SIK3: variants seen among roughly 807,000 people sequenced by gnomAD.
SIK3 encodes the protein SIK family kinase 3.
Under a neutral mutation model 144.2 loss-of-function variants are expected in SIK3, and 28 were observed. That is an observed-to-expected ratio of 0.19 (90% confidence interval 0.14 to 0.27). The LOEUF (loss-of-function observed/expected upper bound fraction) is 0.27. Ranked by LOEUF, SIK3 falls within the 10% of genes least tolerant of loss-of-function variation. The probability of loss-of-function intolerance (pLI) is 1.00; values close to 1 mark genes in which losing one functional copy is unlikely to be tolerated. For missense variants in SIK3, 1,319 were observed against 1,776.0 expected, an observed-to-expected ratio of 0.74 and a Z score of 4.62; for synonymous variants, 686 against 676.3, an observed-to-expected ratio of 1.01 and a Z score of -0.22.
intron 1 of SIK3, among the ~76,000 whole-genome samples, chr11:117,044,099 A>G (rs1376067347): frequency 1.3e-5 from 2 of 152,354 alleles, no homozygotes; most frequent in Admixed American, 1.3e-4. Flanking sequence ...TTTTAAAACT[A>G]TTCTATTTCT....
At chr11:116,848,969 G>C (rs1456494061) in intron 22 of SIK3, 151 bp downstream of exon 22, 8 of 917,832 alleles carry the variant, frequency 8.7e-6, no homozygotes, top group Non-Finnish European at 1.5e-6. Context: ...TCTCAAAAAA[G>C]AAAAAAAAAG....
chr11:116,853,019 A>G (rs563757219), intron 21 of SIK3, among the ~76,000 whole-genome samples: 2 of 152,240 alleles, frequency 1.3e-5, no homozygotes, highest in East Asian at 3.9e-4. Context: ...AAAATACATG[A>G]CCAGGGGATC....
In SIK3 at chr11:116,867,795, T is replaced by C; in HGVS notation, c.1952+151A>G. 1.3e-6 allele frequency: 1 copy of C among 751,822 alleles called. No homozygotes were observed. The highest frequency in any genetic ancestry group is 2.0e-6 in the Non-Finnish European group (1 of 491,864). The allele number at this position is 751,822 out of a possible 1,614,324, so 46.6% of individuals were successfully genotyped here. On this transcript the variant is annotated intron_variant, in intron 15 of 24. Transcript: ENST00000445177. This position sits in a 1 kb window ranked among gnomAD's most constrained non-coding sequence, Gnocchi z 4.1. ...AAAAAACCTTTGCCCTGTGCATTGC[T>C]TACTGCAAGGAGCTGAGAAGATGTG...
rs375290190 is a variant in SIK3, at chr11:116,857,799, G to A, written c.3655+11C>T. On this transcript the variant is annotated intron_variant, in intron 21 of 24. Transcript: ENST00000445177. ...ACTGGCCCAGGACTTCCACTGTGAG[G>A]AGACACTTACCTCTGCTGGGCACCT... 1.9e-5 allele frequency: 31 copies of A among 1,613,490 alleles called. No homozygotes were observed. Among genetic ancestry groups the A allele is most frequent in the Non-Finnish European group, 2.3e-5 (27 of 1,179,680 alleles).
chr11:116,845,335 A>C lies in SIK3; in HGVS notation c.*308T>G, dbSNP rs913322934. 1.3e-5 allele frequency: 2 copies of C among 152,242 alleles called. No homozygotes were observed. Among genetic ancestry groups the C allele is most frequent in the Non-Finnish European group, 2.9e-5 (2 of 68,034 alleles). The allele number at this position is 152,242 out of a possible 1,614,324, so 9.4% of individuals were successfully genotyped here. On this transcript the variant is annotated 3_prime_UTR_variant, in exon 25 of 25. Coordinates refer to ENST00000445177, the MANE Select transcript of SIK3 (RefSeq NM_001366686.3). ...ACCTCTGGAAGAAAACATACCAAAA[A>C]CAAAACAAAACACAAACCCCCAAAC... is the stretch of plus-strand genomic sequence containing the variant.
Position 116,846,570 on chromosome 11 carries a change from A to G in SIK3, c.3953-17T>C. On this transcript the variant is annotated splice_polypyrimidine_tract_variant and intron_variant, in intron 23 of 24. Transcript: ENST00000445177. This position sits in a 1 kb window ranked among gnomAD's most constrained non-coding sequence, Gnocchi z 4.1. ...CCCCACATTCTGCAAGACCAAAAAGAACGTATGAGGTTGGCAGGGAACTGG... is the reference window on the plus strand; with the variant it reads ...CCCCACATTCTGCAAGACCAAAAAGGACGTATGAGGTTGGCAGGGAACTGG... The G allele has an allele frequency of 1.2e-6, 2 of 1,613,946 alleles. No homozygotes were observed. Among genetic ancestry groups the G allele is most frequent in the Non-Finnish European group, 1.7e-6 (2 of 1,179,948 alleles).
At chr11:116,903,323 G>C (rs990399897) in intron 4 of SIK3, among the ~76,000 whole-genome samples, 1 of 152,202 alleles carries the variant, frequency 6.6e-6, no homozygotes, top group Non-Finnish European at 1.5e-5. Context: ...TTTAGGTTCT[G>C]TTGATAGTTT....
chr11:117,030,197 T>C (rs1259333360), intron 1 of SIK3, among the ~76,000 whole-genome samples: 1 of 152,180 alleles, frequency 6.6e-6, no homozygotes, highest in Non-Finnish European at 1.5e-5. Flanking sequence ...ATTTTGGCAA[T>C]GTATAGTTAA....
At chr11:117,089,241 A>C (rs1347107362) in intron 1 of SIK3, among the ~76,000 whole-genome samples, 7 of 152,016 alleles carry the variant, frequency 4.6e-5, no homozygotes, top group Non-Finnish European at 1.0e-4. Context: ...CGCCGTCTCT[A>C]CTAAAAATAC....
chr11:116,849,131 C>A lies in SIK3; in HGVS notation c.3808G>T (p.Asp1270Tyr). The change falls in exon 22 of 25, where the codon GAC becomes TAC. Residue 1270 changes from aspartate to tyrosine, a missense_variant. Asp to Tyr is a radical substitution (Grantham distance 160). Coordinates refer to ENST00000445177, the MANE Select transcript of SIK3 (RefSeq NM_001366686.3). The surrounding 1 kb of genome is among the most constrained non-coding windows in gnomAD (Gnocchi z 4.2). The stretch of plus-strand genomic sequence containing the variant: ...TGGGACCAACATACATAAGCATCGT[C>A]GCTGTTCTGGATCGTGTGGTGTCTC... ...LQRHHTIQNS[D>Y]DAYVQLDNLP... The A allele has an allele frequency of 6.3e-7, 1 of 1,597,502 alleles. No individual in the cohort carries two copies. The highest frequency in any genetic ancestry group is 8.6e-7 in the Non-Finnish European group (1 of 1,169,022).
chr11:116,971,573 T>A (rs1949764671), intron 1 of SIK3, among the ~76,000 whole-genome samples: 1 of 152,090 alleles, frequency 6.6e-6, no homozygotes, highest in African/African-American at 2.4e-5. Context: ...GTAATGAAAA[T>A]TTTCAAATAT....
At chr11:116,868,549 T>C (rs749738944) in intron 14 of SIK3, among the ~76,000 whole-genome samples, 17 of 152,192 alleles carry the variant, frequency 1.1e-4, no homozygotes, top group Admixed American at 5.9e-4. Flanking sequence ...GGCCCCAGGT[T>C]TGAGACTTTC....
chr11:116,949,946 G>C (rs1463459082), intron 3 of SIK3, among the ~76,000 whole-genome samples: 3 of 152,056 alleles, frequency 2.0e-5, no homozygotes, highest in Admixed American at 6.6e-5. Flanking sequence ...GCTGGGGTTG[G>C]GGACAACAGC....
At chr11:116,848,834 G>C (rs1441954743) in intron 22 of SIK3, among the ~76,000 whole-genome samples, 1 of 152,176 alleles carries the variant, frequency 6.6e-6, no homozygotes, top group African/African-American at 2.4e-5. Context: ...GTGGTGGCAG[G>C]CACCTGTAGT....
At chr11:117,091,455 C>T (rs755892123) in intron 1 of SIK3, among the ~76,000 whole-genome samples, 1 of 152,084 alleles carries the variant, frequency 6.6e-6, no homozygotes, top group Non-Finnish European at 1.5e-5. Context: ...ATCCACCTGC[C>T]TCAGCCTCCC....
chr11:116,996,819 CAAAAAAAAAAAAAAA>C (rs11329513), intron 1 of SIK3, among the ~76,000 whole-genome samples: 4 of 58,390 alleles, frequency 6.9e-5, no homozygotes, highest in Non-Finnish European at 9.5e-5. Context: ...GACTCTCTCT[CAAAAAAAAAAAAAAA>C]AAAAAAAAAA....
chr11:116,874,280 C>T (rs76424835), intron 11 of SIK3, among the ~76,000 whole-genome samples: 1,954 of 152,292 alleles, frequency 0.013, 27 homozygotes, highest in Non-Finnish European at 0.018. Context: ...TCTTTATTGG[C>T]CATTCATGTA....
intron 3 of SIK3, among the ~76,000 whole-genome samples, chr11:116,940,755 C>T (rs1948244202): frequency 6.7e-6 from 1 of 149,512 alleles, no homozygotes; most frequent in Non-Finnish European, 1.5e-5. Flanking sequence ...TTCATCCATG[C>T]ATCTCTCCAC....
chr11:116,873,408 C>T (rs1944064489), intron 13 of SIK3, 73 bp downstream of exon 13: 9 of 1,603,064 alleles, frequency 5.6e-6, no homozygotes, highest in Middle Eastern at 1.7e-4. Context: ...GCCCTGGGTT[C>T]CCAACCCCAG....
Sources: allele counts gnomAD v4.1 joint callset (sites outside exome capture counted in the v4.1 genomes callset), GRCh38; gene constraint gnomAD v4.1.1; non-coding constraint Gnocchi (gnomAD v3.1); transcripts MANE v1.5; gene names NCBI Gene and HGNC (gene_info 2026-07-23, HGNC 2026-07-21).